Variants in SLC17A5 observed in about 807,000 individuals in gnomAD.
SLC17A5 encodes the protein solute carrier family 17 member 5, also known as sialin.
Under a neutral mutation model 59.4 loss-of-function variants are expected in SLC17A5, and 47 were observed. The ratio of observed to expected loss-of-function variants is 0.79; its 90% CI spans 0.63 to 1.01. The LOEUF is 1.01. SLC17A5 is among the 50% of genes least tolerant of loss of function. The probability of loss-of-function intolerance (pLI) is 0.00; values close to 1 mark genes in which losing one functional copy is unlikely to be tolerated. For synonymous variants in SLC17A5, 202 were observed against 210.7 expected, an observed-to-expected ratio of 0.96 and a Z score of 0.36; for missense variants, 522 against 595.5, an observed-to-expected ratio of 0.88 and a Z score of 1.28.
At position 73,650,339 on chromosome 6, in the gene SLC17A5, C is replaced by T. The variant is rs580546; in HGVS notation, c.94+3454G>A. Among the ~76,000 whole-genome samples the T allele has an allele frequency of 1.3e-4, 20 of 151,458 alleles. 1 individual carries two copies. In the South Asian group the frequency reaches 3.5e-3, roughly 27 times the overall value. On this transcript the variant is annotated intron_variant, in intron 1 of 10. Transcript: ENST00000355773. ...CCTGGCTAACACGGTGAAACCCCTT[C>T]TGAACTAAAAATAGAAAAAATTAGC...
chr6:73,651,745 G>A (rs978913452), intron 1 of SLC17A5, among the ~76,000 whole-genome samples: 1 of 151,794 alleles, frequency 6.6e-6, no homozygotes, highest in Non-Finnish European at 1.5e-5. Flanking sequence ...CGTTTCAGGC[G>A]TTTCACCTTG....
intron 1 of SLC17A5, among the ~76,000 whole-genome samples, chr6:73,650,148 C>T (rs1183690288): frequency 6.7e-6 from 1 of 149,844 alleles, no homozygotes; most frequent in Non-Finnish European, 1.5e-5. Context: ...ATCACTTGAG[C>T]CCAGGAGTTT....
chr6:73,618,493 C>G, intron 7 of SLC17A5: 2 of 493,768 alleles, frequency 4.1e-6, no homozygotes, highest in Non-Finnish European at 7.6e-6. Flanking sequence ...TACTCATGCA[C>G]AAACAGTAGT....
chr6:73,603,981 C>T (rs1288092215), intron 9 of SLC17A5, among the ~76,000 whole-genome samples: 1 of 151,960 alleles, frequency 6.6e-6, no homozygotes, highest in East Asian at 1.9e-4. Context: ...AAAAGTGCTG[C>T]TTAACTAATT....
intron 7 of SLC17A5, chr6:73,618,244 GAAATAAAATAAAATAAAATAAAATA>G (rs372079299): frequency 3.8e-4 from 54 of 141,408 alleles, no homozygotes; most frequent in African/African-American, 6.2e-4. Flanking sequence ...AAAATAAAAT[GAAATAAAATAAAATAAAATAAAATA>G]AAATAAAATA....
At chr6:73,604,778 A>C (rs1439664115) in intron 9 of SLC17A5, among the ~76,000 whole-genome samples, 1 of 152,142 alleles carries the variant, frequency 6.6e-6, no homozygotes, top group Non-Finnish European at 1.5e-5. Context: ...TTGATAACAT[A>C]AAATCTCTAT....
intron 1 of SLC17A5, among the ~76,000 whole-genome samples, chr6:73,649,024 G>A (rs2023053562): frequency 1.3e-5 from 2 of 150,482 alleles, no homozygotes; most frequent in Non-Finnish European, 3.0e-5. Context: ...TGGAGATGGA[G>A]TCTTTCTCTG....
chr6:73,601,545 T>A (rs1470913156), intron 9 of SLC17A5, among the ~76,000 whole-genome samples: 1 of 92,376 alleles, frequency 1.1e-5, no homozygotes, highest in African/African-American at 5.6e-5. Context: ...AGCCAACCCG[T>A]CCGGGAGGTG....
intron 7 of SLC17A5, chr6:73,618,308 T>TAAAATAAAA (rs199704254): frequency 5.2e-6 from 1 of 192,998 alleles, no homozygotes; most frequent in Non-Finnish European, 1.0e-5. Context: ...TAAAATAAAA[T>TAAAATAAAA]GAGTTTCTGG....
chr6:73,640,314 T>C (rs1313933847), intron 3 of SLC17A5, among the ~76,000 whole-genome samples: 1 of 152,224 alleles, frequency 6.6e-6, no homozygotes, highest in Non-Finnish European at 1.5e-5. Flanking sequence ...GGACCTCTAC[T>C]GATAAGAACA....
intron 1 of SLC17A5, chr6:73,653,173 A>G: frequency 5.1e-6 from 5 of 985,414 alleles, no homozygotes; most frequent in Non-Finnish European, 6.0e-6. Context: ...CAATGTCAAG[A>G]TATCAGCTGG....
chr6:73,616,414 A>G (rs1189170655), intron 7 of SLC17A5, among the ~76,000 whole-genome samples: 4 of 151,922 alleles, frequency 2.6e-5, no homozygotes. Context: ...AATTTTTTTG[A>G]TTTGCCTTTT....
At chr6:73,620,347 C>T (rs2150097599) in intron 7 of SLC17A5, among the ~76,000 whole-genome samples, 1 of 152,096 alleles carries the variant, frequency 6.6e-6, no homozygotes, top group South Asian at 2.1e-4. Context: ...TTATTTCTTT[C>T]TTTTTTAAAA....
chr6:73,610,096 C>T (rs537435423), intron 9 of SLC17A5, among the ~76,000 whole-genome samples: 15 of 151,766 alleles, frequency 9.9e-5, no homozygotes, highest in South Asian at 2.1e-4. Flanking sequence ...TGCAATGATG[C>T]GATCTCAGCT....
intron 6 of SLC17A5, among the ~76,000 whole-genome samples, chr6:73,623,962 G>T (rs1370961258): frequency 6.6e-6 from 1 of 151,788 alleles, no homozygotes; most frequent in Non-Finnish European, 1.5e-5. Flanking sequence ...CTCCCAAAGT[G>T]CTGGGATTAC....
intron 6 of SLC17A5, among the ~76,000 whole-genome samples, chr6:73,627,458 G>A (rs6930465): frequency 0.11 from 16,234 of 152,072 alleles, 1,045 homozygotes; most frequent in Middle Eastern, 0.18. Context: ...GACAACACAA[G>A]GTTGGGCTTA....
At position 73,653,952 on chromosome 6, in the gene SLC17A5, A is replaced by G. The variant is rs1236359498; in HGVS notation, c.-66T>C. 7.3e-7 allele frequency: 1 copy of G among 1,376,768 alleles called. No homozygotes were observed. The highest frequency in any genetic ancestry group is 1.5e-5 in the African/African-American group (1 of 68,238). 85.3% of individuals were successfully genotyped at this position (1,376,768 alleles called of 1,614,324 possible). ...AGGGAGCGCCGGCCCGACAGCCCGA[A>G]GCCCCCGGGCCGAGCTGGCTGGACC... is the stretch of plus-strand genomic sequence containing the variant. On this transcript the variant is annotated 5_prime_UTR_variant, in exon 1 of 11. Transcript: ENST00000355773.
At chr6:73,621,684 A>C in intron 7 of SLC17A5, 120 bp downstream of exon 7, 1 of 809,386 alleles carries the variant, frequency 1.2e-6, no homozygotes, top group African/African-American at 1.7e-5. Context: ...AATCTCTAAA[A>C]TTTAGGACAG....
intron 8 of SLC17A5, 145 bp from the exon 9 acceptor site, chr6:73,610,692 A>G (rs1424702880): frequency 3.4e-6 from 1 of 292,884 alleles, no homozygotes; most frequent in African/African-American, 7.0e-5. Flanking sequence ...ATTTCATGAG[A>G]AAAAAAAAAT....
Sources: allele counts gnomAD v4.1 joint callset (sites outside exome capture counted in the v4.1 genomes callset), GRCh38; gene constraint gnomAD v4.1.1; transcripts MANE v1.5; gene names NCBI Gene and HGNC (gene_info 2026-07-23, HGNC 2026-07-21).